CRHR1: variants seen among roughly 807,000 people sequenced by gnomAD.
The protein encoded by CRHR1 is corticotropin-releasing hormone receptor 1.
CRHR1 carries 28 observed loss-of-function variants against 56.0 expected under a neutral mutation model. That is an observed-to-expected ratio of 0.50 (90% confidence interval 0.37 to 0.69). The LOEUF is 0.69. Among genes scored for constraint, CRHR1 ranks in the 30% least tolerant of loss-of-function variants. The probability of loss-of-function intolerance (pLI) is 0.00; values close to 1 mark genes in which losing one functional copy is unlikely to be tolerated. For missense variants in CRHR1, 376 were observed against 548.0 expected, an observed-to-expected ratio of 0.69 and a Z score of 3.13; for synonymous variants, 195 against 216.5, an observed-to-expected ratio of 0.90 and a Z score of 0.87.
At chr17:45,821,229 C>A (rs2062033486) in intron 3 of CRHR1, 126 bp from the exon 4 acceptor site, 1 of 834,244 alleles carries the variant, frequency 1.2e-6, no homozygotes, top group East Asian at 2.5e-5. Context: ...CTTCACTACA[C>A]AACCCCCAGC....
chr17:45,796,692 G>T (rs1250706065), intron 1 of CRHR1, among the ~76,000 whole-genome samples: 1 of 152,162 alleles, frequency 6.6e-6, no homozygotes, highest in Admixed American at 6.5e-5. Flanking sequence ...TGCAGGGGTC[G>T]AGAAGGATTA....
At position 45,784,330 on chromosome 17, in the gene CRHR1, G is replaced by A; in HGVS notation, c.-215G>A. ...GGGCCGGGCTGCGTCGGGAAACGGCGGCCAGACTTCCCCGGGAAGGGGCGA... is the reference window on the plus strand; with the variant it reads ...GGGCCGGGCTGCGTCGGGAAACGGCAGCCAGACTTCCCCGGGAAGGGGCGA... On this transcript the variant is annotated 5_prime_UTR_variant, in exon 1 of 13. Transcript: ENST00000314537. This position sits in a 1 kb window ranked among gnomAD's most constrained non-coding sequence, Gnocchi z 4.2. 3.5e-6 allele frequency: 1 copy of A among 287,102 alleles called. No homozygotes were observed. Among genetic ancestry groups the A allele is most frequent in the Non-Finnish European group, 6.4e-6 (1 of 157,254 alleles). 17.8% of individuals were successfully genotyped at this position (287,102 alleles called of 1,614,324 possible). A position where few individuals can be genotyped will look rare whatever the true frequency, so the allele number is the denominator to read the frequency against.
chr17:45,802,844 C>T (rs1346131905), intron 1 of CRHR1, among the ~76,000 whole-genome samples: 7 of 152,168 alleles, frequency 4.6e-5, no homozygotes, highest in South Asian at 4.1e-4. Context: ...CCTCTGTGCA[C>T]GCCAGGACAT....
intron 1 of CRHR1, chr17:45,800,597 G>C (rs2061604032): frequency 6.6e-6 from 1 of 152,302 alleles, no homozygotes; most frequent in East Asian, 1.9e-4. Flanking sequence ...CACAGATGAG[G>C]ATGTTGAGTC....
At chr17:45,813,555 G>A (rs2061866519) in intron 2 of CRHR1, among the ~76,000 whole-genome samples, 1 of 152,196 alleles carries the variant, frequency 6.6e-6, no homozygotes, top group South Asian at 2.1e-4. Flanking sequence ...AGCTGCGGGG[G>A]CCAGGAGGGA....
At position 45,821,390 on chromosome 17, in the gene CRHR1, TG is replaced by T; in HGVS notation, c.280del (p.Ala94ProfsTer4). 1 of 1,613,490 alleles carries T rather than the reference TG, an allele frequency of 6.2e-7. No individual in the cohort carries two copies. On this transcript the variant is annotated frameshift_variant, in exon 4 of 13. Transcript: ENST00000314537. LOFTEE classifies it high-confidence loss of function. Reference sequence around the variant, plus strand: ...CCGGGAGTGCCTGGCCAATGGCAGCTGGGCCGCCCGCGTGAATTACTCCGAG... The same window carrying T: ...CCGGGAGTGCCTGGCCAATGGCAGCTGGCCGCCCGCGTGAATTACTCCGAG... ...GYRECLANGSWAARVNYSECQ... is the reference protein window; with the variant it reads ...GYRECLANGSXAARVNYSECQ...
chr17:45,794,143 G>A (rs765164410), intron 1 of CRHR1, among the ~76,000 whole-genome samples: 26 of 152,352 alleles, frequency 1.7e-4, no homozygotes, highest in African/African-American at 3.8e-4. Context: ...GCCAACTGGC[G>A]TGTGGTCCTG....
chr17:45,791,705 C>T (rs1024926953), intron 1 of CRHR1, among the ~76,000 whole-genome samples: 10 of 151,994 alleles, frequency 6.6e-5, no homozygotes, highest in African/African-American at 1.7e-4. Context: ...GATGAGCTCC[C>T]GCCATGATCC....
chr17:45,790,917 G>A (rs1451494589), intron 1 of CRHR1, among the ~76,000 whole-genome samples: 3 of 152,168 alleles, frequency 2.0e-5, no homozygotes, highest in Non-Finnish European at 4.4e-5. Flanking sequence ...GGGGCTTTAG[G>A]AGAATTGGGA....
chr17:45,803,017 A>G (rs1439412354), intron 1 of CRHR1, among the ~76,000 whole-genome samples: 2 of 152,120 alleles, frequency 1.3e-5, no homozygotes, highest in African/African-American at 4.8e-5. Flanking sequence ...TACAGAGTGC[A>G]CTGGGAAAAG....
intron 1 of CRHR1, among the ~76,000 whole-genome samples, chr17:45,798,797 G>A (rs946960982): frequency 2.6e-5 from 4 of 152,192 alleles, no homozygotes; most frequent in Admixed American, 2.0e-4. Context: ...GGCCGGGGGC[G>A]GGGAACACCC....
In CRHR1 at chr17:45,795,951, G is replaced by GT. The variant is rs536375434; in HGVS notation, c.34-11054dup. Among the ~76,000 whole-genome samples, 744 of 152,282 alleles carry GT rather than the reference G, an allele frequency of 4.9e-3. 3 individuals carry two copies. The highest frequency in any genetic ancestry group is 8.0e-3 in the Non-Finnish European group (543 of 68,030). On this transcript the variant is annotated intron_variant, in intron 1 of 12. Transcript: ENST00000314537. ...TGACCTTTGGCCTTAGAAGGCAGTC[G>GT]TTTTTCCAGGAAAAACAGCCCCAAA...
At chr17:45,814,545 G>T (rs553901306) in intron 2 of CRHR1, among the ~76,000 whole-genome samples, 3 of 152,318 alleles carry the variant, frequency 2.0e-5, no homozygotes, top group Admixed American at 2.0e-4. Flanking sequence ...GATGTATGAA[G>T]ATCAAACGAA....
intron 5 of CRHR1, chr17:45,829,706 G>A (rs968793979): frequency 2.0e-5 from 30 of 1,490,330 alleles, no homozygotes; most frequent in African/African-American, 5.6e-5. Flanking sequence ...GGATGGGGAT[G>A]GTTGGGATCA....
At chr17:45,829,679 G>A in intron 5 of CRHR1, 1 of 1,540,782 alleles carries the variant, frequency 6.5e-7, no homozygotes. Context: ...CGCCAAGGAT[G>A]CAGGTGGCAG....
intron 12 of CRHR1, 48 bp from the exon 13 acceptor site, chr17:45,834,576 G>T: frequency 6.4e-7 from 1 of 1,563,874 alleles, no homozygotes; most frequent in Non-Finnish European, 8.7e-7. Context: ...GGAGGGAGGG[G>T]GTCCTGAGCC....
In CRHR1 at chr17:45,834,610, C is replaced by T. The variant is rs898864469; in HGVS notation, c.1108-14C>T. 1.7e-5 allele frequency: 27 copies of T among 1,603,782 alleles called. No individual in the cohort carries two copies. Among genetic ancestry groups the T allele is most frequent in the East Asian group, 2.2e-5 (1 of 44,682 alleles). Reference sequence around the variant, plus strand: ...CCACAGGCTCAGATGTCGTGCTCCTCCCTGTGCCCACAGGTCCGTTCTGCC... The same window carrying T: ...CCACAGGCTCAGATGTCGTGCTCCTTCCTGTGCCCACAGGTCCGTTCTGCC... On this transcript the variant is annotated splice_polypyrimidine_tract_variant and intron_variant, in intron 12 of 12. Coordinates refer to ENST00000314537, the MANE Select transcript of CRHR1 (RefSeq NM_004382.5).
intron 3 of CRHR1, among the ~76,000 whole-genome samples, chr17:45,820,199 C>G (rs774129432): frequency 6.6e-5 from 10 of 152,228 alleles, no homozygotes; most frequent in Non-Finnish European, 1.5e-4. Flanking sequence ...AGGTGAGATA[C>G]TCAGGGCTTC....
intron 4 of CRHR1, among the ~76,000 whole-genome samples, chr17:45,821,736 C>T (rs2062046536): frequency 4.6e-5 from 7 of 152,222 alleles, no homozygotes; most frequent in Admixed American, 4.6e-4. Flanking sequence ...GGGCATGGGA[C>T]TGTCCTGGGG....
Sources: gnomAD v4.1 joint callset for allele counts (sites outside exome capture counted in the v4.1 genomes callset) on GRCh38, gnomAD v4.1.1 for gene constraint, Gnocchi (gnomAD v3.1) non-coding constraint, MANE v1.5 for transcripts, NCBI Gene and HGNC (gene_info 2026-07-23, HGNC 2026-07-21) for gene names.